MACROD2: variants seen among roughly 807,000 people sequenced by gnomAD.
MACROD2 encodes ADP-ribose glycohydrolase MACROD2.
In MACROD2, 36 loss-of-function variants were observed where a neutral mutation model predicts 70.4. That is an observed-to-expected ratio of 0.51 (90% CI 0.39 to 0.68). The LOEUF is 0.68. Among genes scored for constraint, MACROD2 ranks in the 30% least tolerant of loss-of-function variants. MACROD2 has a pLI of 0.00. For missense variants in MACROD2, 496 were observed against 538.4 expected (o/e 0.92, Z 0.78); for synonymous variants, 172 against 178.8 (o/e 0.96, Z 0.30).
chr20:15,168,972 A>G (rs1361142803), intron 5 of MACROD2, among the ~76,000 whole-genome samples: 4 of 152,204 alleles, frequency 2.6e-5, no homozygotes. Flanking sequence ...ATAGAGGTAG[A>G]AGGTAGAATG....
intron 5 of MACROD2, among the ~76,000 whole-genome samples, chr20:15,059,911 C>T (rs1263446707): frequency 1.3e-5 from 2 of 152,128 alleles, no homozygotes; most frequent in Admixed American, 1.3e-4. Context: ...TTGCTGTATA[C>T]TACTAGAAGT....
chr20:15,480,330 T>C (rs1446289018), intron 7 of MACROD2, among the ~76,000 whole-genome samples: 2 of 152,224 alleles, frequency 1.3e-5, no homozygotes, highest in African/African-American at 4.8e-5. Context: ...TTTTGGGGTC[T>C]GTGCCTCATA....
chr20:15,717,501 C>T (rs1037276712), intron 8 of MACROD2, among the ~76,000 whole-genome samples: 1 of 152,126 alleles, frequency 6.6e-6, no homozygotes, highest in Non-Finnish European at 1.5e-5. Context: ...TAGATTATGC[C>T]AGAAGTCTTG....
intron 13 of MACROD2, among the ~76,000 whole-genome samples, chr20:15,984,502 G>C (rs550894859): frequency 6.6e-6 from 1 of 151,234 alleles, no homozygotes; most frequent in Non-Finnish European, 1.5e-5. Flanking sequence ...TTTCTTTCAC[G>C]ACTTTTGCAG....
At chr20:14,552,983 A>T (rs1014000097) in intron 4 of MACROD2, among the ~76,000 whole-genome samples, 5 of 152,074 alleles carry the variant, frequency 3.3e-5, no homozygotes, top group Non-Finnish European at 7.4e-5. Flanking sequence ...TGTATTAAAA[A>T]TATTTTTTCT....
chr20:15,927,030 C>A (rs940729403), intron 10 of MACROD2, among the ~76,000 whole-genome samples: 15 of 152,276 alleles, frequency 9.9e-5, no homozygotes, highest in African/African-American at 3.6e-4. Context: ...CGGCACTAAC[C>A]ATTAACTAAC....
intron 6 of MACROD2, among the ~76,000 whole-genome samples, chr20:15,357,598 T>C (rs1005041132): frequency 2.0e-5 from 3 of 152,198 alleles, no homozygotes; most frequent in African/African-American, 7.2e-5. Context: ...ACACATTACA[T>C]GTTTATCCAG....
chr20:15,825,178 A>T (rs2063983525), intron 8 of MACROD2, among the ~76,000 whole-genome samples: 1 of 152,190 alleles, frequency 6.6e-6, no homozygotes. Flanking sequence ...CCCCACTGAA[A>T]GGTGGCATCT....
chr20:15,672,728 C>G (rs757677380), intron 8 of MACROD2, among the ~76,000 whole-genome samples: 1 of 152,148 alleles, frequency 6.6e-6, no homozygotes, highest in Admixed American at 6.5e-5. Context: ...TCTGCCCTTT[C>G]CTGCTGATTA....
intron 8 of MACROD2, among the ~76,000 whole-genome samples, chr20:15,692,220 T>C (rs1031119465): frequency 2.6e-5 from 4 of 152,058 alleles, no homozygotes; most frequent in African/African-American, 9.7e-5. Context: ...TACTGATTGA[T>C]GGATTGAGAC....
chr20:15,832,099 T>C (rs1298561428), intron 8 of MACROD2, among the ~76,000 whole-genome samples: 1 of 151,828 alleles, frequency 6.6e-6, no homozygotes, highest in Non-Finnish European at 1.5e-5. Context: ...ATGGAAAAAA[T>C]GGTTCAAAAT....
intron 6 of MACROD2, among the ~76,000 whole-genome samples, chr20:15,264,451 A>G (rs938836702): frequency 6.6e-6 from 1 of 152,184 alleles, no homozygotes; most frequent in Admixed American, 6.6e-5. Flanking sequence ...ATACACATTT[A>G]TTATGTACAT....
chr20:14,547,218 A>C (rs1194912427), intron 4 of MACROD2: 1 of 566,958 alleles, frequency 1.8e-6, no homozygotes, highest in African/African-American at 2.0e-5. Flanking sequence ...GCAGTGCTGC[A>C]TCAACTGGCT....
At chr20:15,522,266 C>G (rs183723670) in intron 8 of MACROD2, among the ~76,000 whole-genome samples, 278 of 152,254 alleles carry the variant, frequency 1.8e-3, no homozygotes, top group African/African-American at 6.5e-3. Context: ...GCCCTATTAC[C>G]ATGCCTGGAT....
chr20:15,263,321 G>T (rs1486462511), intron 6 of MACROD2, among the ~76,000 whole-genome samples: 1 of 151,632 alleles, frequency 6.6e-6, no homozygotes, highest in African/African-American at 2.4e-5. Flanking sequence ...TGGCACCTTT[G>T]TAAAAATTGA....
intron 3 of MACROD2, among the ~76,000 whole-genome samples, chr20:14,357,555 G>T (rs1004170166): frequency 6.6e-6 from 1 of 152,134 alleles, no homozygotes; most frequent in African/African-American, 2.4e-5. Flanking sequence ...TAGAATGAAA[G>T]AAAAGAAAGA....
At position 16,004,977 on chromosome 20, in the gene MACROD2, C is replaced by T. The variant is rs576579641; in HGVS notation, c.1153+17819C>T. On this transcript the variant is annotated intron_variant, in intron 15 of 17. Coordinates refer to ENST00000684519, the MANE Select transcript of MACROD2 (RefSeq NM_001351661.2). ...AAGTCATGCTGGCCTGGATGTCCGC[C>T]TTGGCCTATTCTTGAGCAAAGCACA... 5.9e-5 allele frequency among the ~76,000 whole-genome samples: 9 copies of T among 152,350 alleles called. No individual in the cohort carries two copies. The South Asian group carries it at 1.9e-3, about 32-fold the overall frequency.
intron 8 of MACROD2, among the ~76,000 whole-genome samples, chr20:15,776,959 A>C (rs1441507160): frequency 6.6e-6 from 1 of 152,190 alleles, no homozygotes; most frequent in Non-Finnish European, 1.5e-5. Flanking sequence ...GCGACTGTTG[A>C]GAGGAAAAGA....
intron 3 of MACROD2, among the ~76,000 whole-genome samples, chr20:14,389,203 A>T (rs868548248): frequency 1.8e-4 from 28 of 151,556 alleles, no homozygotes; most frequent in South Asian, 4.2e-4. Flanking sequence ...TATTATTATT[A>T]TTTTTTTAAA....
Sources: gnomAD v4.1 joint callset for allele counts (sites outside exome capture counted in the v4.1 genomes callset) on GRCh38, gnomAD v4.1.1 for gene constraint, MANE v1.5 for transcripts, NCBI Gene and HGNC (gene_info 2026-07-23, HGNC 2026-07-21) for gene names.